EPHX2: variants seen among roughly 807,000 people sequenced by gnomAD.
EPHX2 encodes bifunctional epoxide hydrolase 2.
EPHX2 carries 74 observed loss-of-function variants against 78.7 expected under a neutral mutation model. That is an observed-to-expected ratio of 0.94 (90% CI 0.78 to 1.14). The LOEUF (loss-of-function observed/expected upper bound fraction) is 1.14, where lower values mean the gene tolerates loss of function less well. Ranked by LOEUF, EPHX2 falls within the 50% of genes most tolerant of loss-of-function variation. The pLI is 0.00. For synonymous variants in EPHX2, 251 were observed against 255.2 expected (o/e 0.98, Z 0.16); for missense variants, 715 against 702.5 (o/e 1.02, Z -0.20).
intron 16 of EPHX2, among the ~76,000 whole-genome samples, chr8:27,542,186 C>T (rs1423493135): frequency 1.3e-5 from 2 of 152,176 alleles, no homozygotes; most frequent in Non-Finnish European, 2.9e-5. Flanking sequence ...CACACTGCTA[C>T]ATGCCAGACT....
At chr8:27,542,699 T>TGGCACGATCTCGGTTCACTGCAAC (rs1815441713) in intron 16 of EPHX2, among the ~76,000 whole-genome samples, 1 of 152,152 alleles carries the variant, frequency 6.6e-6, no homozygotes, top group African/African-American at 2.4e-5. Context: ...TAGAATGCAA[T>TGGCACGATCTCGGTTCACTGCAAC]GGCACGATCT....
intron 2 of EPHX2, among the ~76,000 whole-genome samples, chr8:27,501,408 TTTC>T (rs145416327): frequency 0.012 from 1,380 of 115,956 alleles, 35 homozygotes; most frequent in Non-Finnish European, 0.016. Flanking sequence ...TTCTTTCTTC[TTTC>T]TTCTTTTTCT....
Position 27,544,961 on chromosome 8 carries a change from C to A in EPHX2, c.*439C>A, listed in dbSNP as rs544565063. ...TTCTTGGAGAGGTGGAGTGACTGTT[C>A]ACGGAGAATGCACGGCATGGGGATG... On this transcript the variant is annotated 3_prime_UTR_variant, in exon 19 of 19. Transcript: ENST00000521400. The A allele has an allele frequency of 4.0e-4, 80 of 197,556 alleles. No individual in the cohort carries two copies. The highest frequency in any genetic ancestry group is 7.2e-4 in the Non-Finnish European group (69 of 95,690). 12.2% of individuals were successfully genotyped at this position (197,556 alleles called of 1,614,324 possible).
rs1306483801 is a variant in EPHX2, at chr8:27,545,096, T to C, written c.*574T>C. On this transcript the variant is annotated 3_prime_UTR_variant, in exon 19 of 19. Transcript: ENST00000521400. ...TGGGGATGGCAGTGGTGTCTTGTGC[T>C]CTGTCCCCTAGAGCAGTCACTGGCC... 6.5e-6 allele frequency: 1 copy of C among 153,832 alleles called. No individual in the cohort carries two copies. The highest frequency in any genetic ancestry group is 1.4e-5 in the Non-Finnish European group (1 of 69,170). 9.5% of individuals were successfully genotyped at this position (153,832 alleles called of 1,614,324 possible). A position where few individuals can be genotyped will look rare whatever the true frequency, so the allele number is the denominator to read the frequency against.
intron 5 of EPHX2, among the ~76,000 whole-genome samples, chr8:27,507,358 G>C (rs550209880): frequency 2.0e-4 from 31 of 152,292 alleles, no homozygotes; most frequent in African/African-American, 6.3e-4. Context: ...CATGCCGCTG[G>C]CACTCAGGTG....
chr8:27,523,707 A>G (rs1814727867), intron 11 of EPHX2, among the ~76,000 whole-genome samples: 1 of 152,170 alleles, frequency 6.6e-6, no homozygotes, highest in African/African-American at 2.4e-5. Context: ...CTAGCTTTTT[A>G]AATTTTTTAA....
At chr8:27,519,483 C>A (rs189750664) in intron 9 of EPHX2, among the ~76,000 whole-genome samples, 47 of 152,328 alleles carry the variant, frequency 3.1e-4, no homozygotes, top group African/African-American at 1.1e-3. Context: ...GTCTTCCGTC[C>A]CCCTCCAGTA....
rs760376708 is a variant in EPHX2 at position 27,502,446 on chromosome 8, A to G, written c.187-1158A>G. Among the ~76,000 whole-genome samples, 147 of 152,324 alleles carry G rather than the reference A, an allele frequency of 9.7e-4. 1 individual carries two copies. The Middle Eastern group carries it at 0.017, about 18-fold the overall frequency. ...CTATTAGTGAGTGTATTAGTTTGCTAGGGCTGTGTCTTACATAGCACCTTC... is the reference window on the plus strand; with the variant it reads ...CTATTAGTGAGTGTATTAGTTTGCTGGGGCTGTGTCTTACATAGCACCTTC... On this transcript the variant is annotated intron_variant, in intron 2 of 18. Coordinates refer to ENST00000521400, the MANE Select transcript of EPHX2 (RefSeq NM_001979.6).
Position 27,536,864 on chromosome 8 carries a change from T to C in EPHX2, c.1242+9T>C, listed in dbSNP as rs1442691688. 6.2e-7 allele frequency: 1 copy of C among 1,607,034 alleles called. No individual in the cohort carries two copies. Among genetic ancestry groups the C allele is most frequent in the Non-Finnish European group, 8.5e-7 (1 of 1,176,460 alleles). ...TCAGAGCAAGCGATGAGGTGAGGGG[T>C]GGGGATGGGTGCAGAAGAACAGGAG... On this transcript the variant is annotated intron_variant, in intron 13 of 18. Coordinates refer to ENST00000521400, the MANE Select transcript of EPHX2 (RefSeq NM_001979.6).
intron 7 of EPHX2, 30 bp downstream of exon 7, chr8:27,515,843 C>A: frequency 1.3e-6 from 2 of 1,596,058 alleles, no homozygotes; most frequent in South Asian, 1.1e-5. Flanking sequence ...TGCAGCCAGT[C>A]AGGGTGAGGT....
chr8:27,544,179 CTTTCAGATTCCCCA>C lies in EPHX2; in HGVS notation c.1531-6_1538del. On this transcript the variant is annotated splice_acceptor_variant and splice_polypyrimidine_tract_variant and coding_sequence_variant and intron_variant, in exon 18 of 19. Transcript: ENST00000521400. LOFTEE classifies it high-confidence loss of function. ...CATTTACCTTTCTGCCTGGGGTTTC[CTTTCAGATTCCCCA>C]CCTGAAAAGGGGACACATTGAGGAC... 1 of 1,614,150 alleles carries C rather than the reference CTTTCAGATTCCCCA, an allele frequency of 6.2e-7. No individual in the cohort carries two copies. Among genetic ancestry groups the C allele is most frequent in the South Asian group, 1.1e-5 (1 of 91,078 alleles).
intron 1 of EPHX2, among the ~76,000 whole-genome samples, chr8:27,493,549 G>A (rs2132703155): frequency 6.6e-6 from 1 of 152,310 alleles, no homozygotes; most frequent in Admixed American, 6.5e-5. Context: ...GGTTCCTGTA[G>A]CAGTGGGCAT....
At position 27,494,474 on chromosome 8, in the gene EPHX2, T is replaced by G. The variant is rs192432931; in HGVS notation, c.101+3165T>G. 1.4e-4 allele frequency among the ~76,000 whole-genome samples: 22 copies of G among 152,340 alleles called. No homozygotes were observed. The East Asian group carries it at 3.5e-3, about 24-fold the overall frequency. On this transcript the variant is annotated intron_variant, in intron 1 of 18. Transcript: ENST00000521400. ...TAGGAATTACTTCATGAATTAGGAC[T>G]TTAACCACTTCTTGAGCCTTCTCTG...
At chr8:27,548,563 G>T (rs765364294), downstream of EPHX2, among the ~76,000 whole-genome samples, 2 of 152,184 alleles carry the variant, frequency 1.3e-5, no homozygotes, top group Non-Finnish European at 2.9e-5. Flanking sequence ...ACCCAGCACT[G>T]GCCTGGCATA....
chr8:27,491,782 C>A (rs1327394101), intron 1 of EPHX2, among the ~76,000 whole-genome samples: 4 of 152,112 alleles, frequency 2.6e-5, no homozygotes, highest in Non-Finnish European at 5.9e-5. Flanking sequence ...AACACCTGTT[C>A]TACTACATGA....
At chr8:27,523,164 G>A (rs1328495134) in intron 11 of EPHX2, among the ~76,000 whole-genome samples, 2 of 152,072 alleles carry the variant, frequency 1.3e-5, no homozygotes, top group African/African-American at 2.4e-5. Flanking sequence ...CAGAAAGCGT[G>A]GCCTTCGGTC....
intron 1 of EPHX2, 77 bp downstream of exon 1, chr8:27,491,386 T>C: frequency 3.6e-6 from 4 of 1,115,732 alleles, no homozygotes; most frequent in Non-Finnish European, 4.8e-6. Context: ...CAGCCCAGCT[T>C]TCAGATTGCT....
intron 12 of EPHX2, among the ~76,000 whole-genome samples, chr8:27,527,335 A>T (rs1814881860): frequency 6.6e-6 from 1 of 152,176 alleles, no homozygotes; most frequent in Non-Finnish European, 1.5e-5. Flanking sequence ...AAGTGCTGGG[A>T]TTATAGGTGT....
At position 27,505,030 on chromosome 8, in the gene EPHX2, T is replaced by C. The variant is rs369553898; in HGVS notation, c.421T>C (p.Cys141Arg). 1.2e-5 allele frequency: 19 copies of C among 1,614,014 alleles called. No individual in the cohort carries two copies. Among genetic ancestry groups the C allele is most frequent in the Non-Finnish European group, 1.6e-5 (19 of 1,180,022 alleles). Residue 141 changes from cysteine to arginine, a missense_variant, in exon 4 of 19, where the codon TGT becomes CGT. Cys to Arg is a radical substitution (Grantham distance 180, BLOSUM62 -3). Coordinates refer to ENST00000521400, the MANE Select transcript of EPHX2 (RefSeq NM_001979.6). ...AERDGLAQLMCELKMHFDFLI... is the reference protein window; with the variant it reads ...AERDGLAQLMRELKMHFDFLI... The stretch of plus-strand genomic sequence containing the variant: ...GAGAGATGGCCTGGCCCAGCTGATG[T>C]GTGAGCTGAAGATGCACTTTGACTT...
Sources: gnomAD v4.1 joint callset for allele counts (sites outside exome capture counted in the v4.1 genomes callset) on GRCh38, gnomAD v4.1.1 for gene constraint, MANE v1.5 for transcripts, NCBI Gene and HGNC (gene_info 2026-07-23, HGNC 2026-07-21) for gene names.